The following HYDIN variants were observed in gnomAD, a reference collection of about 807,000 sequenced individuals.
HYDIN encodes the protein HYDIN axonemal central pair apparatus protein, also known as axonemal central pair apparatus protein HYDIN.
Under a neutral mutation model 403.9 loss-of-function variants are expected in HYDIN, and 132 were observed. The ratio of observed to expected loss-of-function variants is 0.33; its 90% confidence interval spans 0.28 to 0.38. The LOEUF is 0.38. HYDIN is among the 10% of genes least tolerant of loss of function. HYDIN has a pLI of 1.00. For missense variants in HYDIN, 2,827 were observed against 5,009.5 expected, an observed-to-expected ratio of 0.56 and a Z score of 13.15; for synonymous variants, 1,202 against 1,891.7, an observed-to-expected ratio of 0.64 and a Z score of 9.46.
At chr16:70,826,412 C>G (rs1441444693) in intron 83 of HYDIN, among the ~76,000 whole-genome samples, 1 of 151,946 alleles carries the variant, frequency 6.6e-6, no homozygotes, top group East Asian at 1.9e-4. Context: ...TTCACAATAG[C>G]TTATCCTTAT....
chr16:71,186,863 C>T lies in HYDIN; in HGVS notation c.33G>A (p.Gly11=), dbSNP rs748258884. 7 of 1,612,762 alleles carry T rather than the reference C, an allele frequency of 4.3e-6. No individual in the cohort carries two copies. The African/African-American group carries it at 9.4e-5, about 22-fold the overall frequency. Residue 11 remains glycine (G), a synonymous_variant, in exon 2 of 86, where the codon GGG becomes GGA. Transcript: ENST00000393567. ...TATTGACCAATCCCATCTGAACAGC[C>T]CCCATGGACTCCTCAAGTCTTCTAC... is the stretch of plus-strand genomic sequence containing the variant. MTSRRLEESM[G]AVQMGLVNMF...
chr16:71,137,575 G>T (rs552705847), intron 7 of HYDIN, among the ~76,000 whole-genome samples: 201 of 151,992 alleles, frequency 1.3e-3, no homozygotes, highest in South Asian at 2.5e-3. Context: ...GTCATTGTAA[G>T]AAATATATAA....
chr16:70,810,016 G>A lies in HYDIN; in HGVS notation c.14659-9C>T. ...TCAAATGAGAACGTGCCCTGGAAGA[G>A]AAAACAGAGGATCCTGTCATGCTGA... On this transcript the variant is annotated splice_polypyrimidine_tract_variant and intron_variant, in intron 84 of 85. Coordinates refer to ENST00000393567, the MANE Select transcript of HYDIN (RefSeq NM_001270974.2). 6.2e-7 allele frequency: 1 copy of A among 1,612,992 alleles called. No homozygotes were observed. Among genetic ancestry groups the A allele is most frequent in the South Asian group, 1.1e-5 (1 of 91,048 alleles).
rs2035059873 is a variant in HYDIN at position 70,805,247 on chromosome 16, C to T, written c.*2333G>A. ...GCAAATGTCAAGTTTTGCCAGGTAC[C>T]TTAAAGTAGCACTCTCAGCTGCAAT... is the stretch of plus-strand genomic sequence containing the variant. On this transcript the variant is annotated 3_prime_UTR_variant, in exon 86 of 86. Coordinates refer to ENST00000393567, the MANE Select transcript of HYDIN (RefSeq NM_001270974.2). 6.6e-6 allele frequency among the ~76,000 whole-genome samples: 1 copy of T among 152,148 alleles called. No individual in the cohort carries two copies. The highest frequency in any genetic ancestry group is 6.5e-5 in the Admixed American group (1 of 15,282).
rs192505747 is a variant in HYDIN, at chr16:71,130,796, G to A, written c.1044-973C>T. On this transcript the variant is annotated intron_variant, in intron 8 of 85. Transcript: ENST00000393567. ...AGCCACCGCGCCCGGCCTATATACC[G>A]GTTTTCTCCCCCTGTCAACCATAGG... is the stretch of plus-strand genomic sequence containing the variant. 1.1e-3 allele frequency among the ~76,000 whole-genome samples: 163 copies of A among 148,054 alleles called. 1 individual carries two copies. Among genetic ancestry groups the A allele is most frequent in the Admixed American group, 3.7e-3 (57 of 15,238 alleles).
At chr16:70,944,312 G>A (rs1267242692) in intron 41 of HYDIN, among the ~76,000 whole-genome samples, 1 of 152,184 alleles carries the variant, frequency 6.6e-6, no homozygotes, top group Non-Finnish European at 1.5e-5. Context: ...GCATTCCAAT[G>A]GAAGAGAGAG....
At chr16:71,070,333 T>G (rs2082427903) in intron 13 of HYDIN, among the ~76,000 whole-genome samples, 1 of 150,576 alleles carries the variant, frequency 6.6e-6, no homozygotes, top group South Asian at 2.1e-4. Context: ...TTTTTTTTTT[T>G]TTTGAGACAG....
intron 46 of HYDIN, 150 bp from the exon 47 acceptor site, chr16:70,918,579 A>T: frequency 1.7e-6 from 1 of 598,776 alleles, no homozygotes; most frequent in Non-Finnish European, 3.0e-6. Flanking sequence ...TGGATATGGC[A>T]CACAGCCTAG....
At chr16:71,007,618 C>T (rs1202607300) in intron 23 of HYDIN, among the ~76,000 whole-genome samples, 1 of 144,562 alleles carries the variant, frequency 6.9e-6, no homozygotes, top group Non-Finnish European at 1.5e-5. Flanking sequence ...GATAATGTCT[C>T]ATACCAGTCA....
chr16:70,829,865 C>G, intron 80 of HYDIN, 35 bp from the exon 81 acceptor site: 1 of 1,592,306 alleles, frequency 6.3e-7, no homozygotes, highest in African/African-American at 1.3e-5. Flanking sequence ...TTCCATGGCA[C>G]TTCCCCCTGG....
At chr16:71,110,375 TA>T (rs918841807) in intron 10 of HYDIN, among the ~76,000 whole-genome samples, 1 of 138,898 alleles carries the variant, frequency 7.2e-6, no homozygotes, top group African/African-American at 2.8e-5. Context: ...ATATATAAAA[TA>T]AAATACATAT....
At chr16:70,961,714 C>A (rs1421678408) in intron 38 of HYDIN, among the ~76,000 whole-genome samples, 2 of 151,896 alleles carry the variant, frequency 1.3e-5, no homozygotes, top group African/African-American at 4.8e-5. Context: ...TTCATTTAGT[C>A]TAGTTGAAAC....
intron 43 of HYDIN, 188 bp downstream of exon 43, chr16:70,941,448 C>A (rs1329859159): frequency 1.2e-5 from 5 of 404,948 alleles, no homozygotes; most frequent in African/African-American, 2.1e-5. Flanking sequence ...GGGAGGGAAG[C>A]AGGAATGCAC....
chr16:71,101,991 A>G (rs945059623), intron 10 of HYDIN, among the ~76,000 whole-genome samples: 6 of 152,144 alleles, frequency 3.9e-5, no homozygotes, highest in African/African-American at 1.4e-4. Context: ...AAATAATAGA[A>G]TATTAACTGT....
chr16:71,050,640 T>C (rs888671588), intron 18 of HYDIN, among the ~76,000 whole-genome samples: 4 of 151,720 alleles, frequency 2.6e-5, no homozygotes, highest in Admixed American at 6.6e-5. Flanking sequence ...ATTGGAATCA[T>C]ACATATGTAG....
In HYDIN at chr16:70,834,221, G is replaced by A. The variant is rs549225981; in HGVS notation, c.13402-57C>T. The A allele has an allele frequency of 0.01, 12,087 of 1,181,548 alleles. 781 individuals carry two copies. The African/African-American group carries it at 0.15, about 15-fold the overall frequency. The allele number at this position is 1,181,548 out of a possible 1,614,324, so 73.2% of individuals were successfully genotyped here. On this transcript the variant is annotated intron_variant, in intron 78 of 85. Coordinates refer to ENST00000393567, the MANE Select transcript of HYDIN (RefSeq NM_001270974.2). ...GAGGGTGGGAGGCCCCTAAGGCCTC[G>A]GTTCCCGGAGTTCTTGCTGCTGCGA... is the stretch of plus-strand genomic sequence containing the variant.
intron 44 of HYDIN, 65 bp downstream of exon 44, chr16:70,938,549 C>G: frequency 9.5e-7 from 1 of 1,050,962 alleles, no homozygotes; most frequent in East Asian, 2.4e-5. Flanking sequence ...CACCCCGGTC[C>G]TGGTCACTCT....
chr16:71,060,008 T>C (rs2082028478), intron 18 of HYDIN, among the ~76,000 whole-genome samples: 2 of 152,082 alleles, frequency 1.3e-5, no homozygotes, highest in Admixed American at 1.3e-4. Context: ...AAAATATTGC[T>C]AGAAGGAAGA....
intron 13 of HYDIN, among the ~76,000 whole-genome samples, chr16:71,071,037 T>C (rs1442244134): frequency 6.6e-6 from 1 of 151,768 alleles, no homozygotes; most frequent in African/African-American, 2.4e-5. Context: ...TTCACAATCA[T>C]GCTACATGTG....
Sources: allele counts gnomAD v4.1 joint callset (sites outside exome capture counted in the v4.1 genomes callset), GRCh38; gene constraint gnomAD v4.1.1; transcripts MANE v1.5; gene names NCBI Gene and HGNC (gene_info 2026-07-23, HGNC 2026-07-21).